The following PADI4 variants were observed in gnomAD, a reference collection of about 807,000 sequenced individuals.
PADI4 encodes the protein peptidyl arginine deiminase 4, also known as protein-arginine deiminase type-4.
In PADI4, 62 loss-of-function variants were observed where a neutral mutation model predicts 75.0. That is an observed-to-expected ratio of 0.83 (90% CI 0.67 to 1.02). PADI4 has a LOEUF of 1.02. Among genes scored for constraint, PADI4 ranks in the 50% least tolerant of loss-of-function variants. The pLI is 0.00. For synonymous variants in PADI4, 361 were observed against 348.1 expected, an observed-to-expected ratio of 1.04 and a Z score of -0.41; for missense variants, 845 against 850.5, an observed-to-expected ratio of 0.99 and a Z score of 0.08.
chr1:17,334,307 A>ACT, intron 3 of PADI4: 1 of 343,014 alleles, frequency 2.9e-6, no homozygotes, highest in Non-Finnish European at 6.0e-6. Context: ...ATCTCCATTA[A>ACT]TTTTTTTTTT....
chr1:17,321,248 G>A (rs557096192), intron 1 of PADI4, among the ~76,000 whole-genome samples: 6 of 152,270 alleles, frequency 3.9e-5, no homozygotes, highest in East Asian at 1.9e-4. Context: ...AGCAAAGCCC[G>A]GGAGATGGGA....
intron 1 of PADI4, among the ~76,000 whole-genome samples, chr1:17,308,764 C>A (rs143479662): frequency 1.9e-3 from 95 of 50,628 alleles, no homozygotes; most frequent in Non-Finnish European, 3.2e-3. Flanking sequence ...GTGGGGATGG[C>A]GAAACGGGGC....
At chr1:17,363,310 A>G (rs1478081871) in intron 15 of PADI4, among the ~76,000 whole-genome samples, 1 of 151,520 alleles carries the variant, frequency 6.6e-6, no homozygotes, top group African/African-American at 2.4e-5. Flanking sequence ...TTTTTTAGAG[A>G]TGGGGTCTCA....
chr1:17,320,270 A>G, intron 1 of PADI4, among the ~76,000 whole-genome samples: 1 of 30,556 alleles, frequency 3.3e-5, no homozygotes, highest in East Asian at 1.2e-3. Context: ...CCCTCTTATA[A>G]AGACCTTTGT....
rs373192530 is a variant in PADI4, at chr1:17,363,569, C to T, written c.1806C>T (p.Phe602=). 144 of 1,613,988 alleles carry T rather than the reference C, an allele frequency of 8.9e-5. No homozygotes were observed. Among genetic ancestry groups the T allele is most frequent in the Middle Eastern group, 8.2e-4 (5 of 6,062 alleles). ...AGCACCTGGGCATCCCCAAGCCCTT[C>T]GGGCCCGTCATCAACGGCCGCTGCT... ...LGKHLGIPKP[F]GPVINGRCCL... The change falls in exon 16 of 16, where the codon TTC becomes TTT. Residue 602 remains phenylalanine, a synonymous_variant. Transcript: ENST00000375448.
In PADI4 at chr1:17,355,880, C is replaced by T. The variant is rs188392525; in HGVS notation, c.1311-103C>T. 458 of 1,135,338 alleles carry T rather than the reference C, an allele frequency of 4.0e-4. 4 individuals are homozygous for T. In the Middle Eastern group the frequency reaches 4.1e-3, roughly 10 times the overall value. The allele number at this position is 1,135,338 out of a possible 1,614,324, so 70.3% of individuals were successfully genotyped here. ...ATTCTAGACTCCTGCATCCCTTTCTCAGCTGAAGGAGAACCCTGACCTTTT... is the reference window on the plus strand; with the variant it reads ...ATTCTAGACTCCTGCATCCCTTTCTTAGCTGAAGGAGAACCCTGACCTTTT... On this transcript the variant is annotated intron_variant, in intron 11 of 15. Transcript: ENST00000375448.
chr1:17,360,223 G>A (rs901789945), intron 15 of PADI4, among the ~76,000 whole-genome samples: 13 of 151,890 alleles, frequency 8.6e-5, no homozygotes, highest in Non-Finnish European at 1.2e-4. Context: ...CCTGGGAGAC[G>A]GAGGTTGCAG....
rs116608662 is a variant in PADI4, at chr1:17,318,419, G to A, written c.92+10105G>A. ...ATGGCCACACAGAGAAAGGTGACTA[G>A]CTTGTCATCTGCTGCAGGCATGTGA... On this transcript the variant is annotated intron_variant, in intron 1 of 15. Coordinates refer to ENST00000375448, the MANE Select transcript of PADI4 (RefSeq NM_012387.3). Among the ~76,000 whole-genome samples, 192 of 152,342 alleles carry A rather than the reference G, an allele frequency of 1.3e-3. 1 individual carries two copies. Among genetic ancestry groups the A allele is most frequent in the African/African-American group, 4.4e-3 (185 of 41,586 alleles).
intron 10 of PADI4, 107 bp downstream of exon 10, chr1:17,348,155 A>G: frequency 1.6e-6 from 1 of 620,562 alleles, no homozygotes; most frequent in African/African-American, 1.8e-5. Flanking sequence ...TGAGTAGCCC[A>G]GTGCAAGGAG....
chr1:17,318,727 C>T (rs1317760537), intron 1 of PADI4, among the ~76,000 whole-genome samples: 1 of 151,196 alleles, frequency 6.6e-6, no homozygotes, highest in Non-Finnish European at 1.5e-5. Flanking sequence ...GCTCTATCAC[C>T]CAGGCTGGAG....
At chr1:17,331,701 T>C (rs974453945) in intron 2 of PADI4, among the ~76,000 whole-genome samples, 6 of 152,084 alleles carry the variant, frequency 3.9e-5, no homozygotes, top group Non-Finnish European at 7.4e-5. Context: ...GTGGATCACC[T>C]GAGGTCAGGA....
chr1:17,362,112 T>C (rs1419712187), intron 15 of PADI4, among the ~76,000 whole-genome samples: 1 of 152,070 alleles, frequency 6.6e-6, no homozygotes, highest in Non-Finnish European at 1.5e-5. Context: ...GAGGGGTGGC[T>C]CATACCTGTA....
chr1:17,322,828 T>C (rs2074054039), intron 1 of PADI4, among the ~76,000 whole-genome samples: 1 of 152,122 alleles, frequency 6.6e-6, no homozygotes, highest in African/African-American at 2.4e-5. Flanking sequence ...TCTTTCTCTT[T>C]TTCTCTCTTT....
chr1:17,353,878 C>T (rs1326050018), intron 10 of PADI4, among the ~76,000 whole-genome samples: 1 of 152,138 alleles, frequency 6.6e-6, no homozygotes, highest in African/African-American at 2.4e-5. Flanking sequence ...CAGGAGGAAC[C>T]AGCTCTGCCA....
chr1:17,329,136 T>C (rs1437149952), intron 1 of PADI4, among the ~76,000 whole-genome samples: 1 of 151,148 alleles, frequency 6.6e-6, no homozygotes, highest in African/African-American at 2.4e-5. Flanking sequence ...TGCACGATTC[T>C]AGGTTAACAG....
At chr1:17,348,523 G>T (rs1019751956) in intron 10 of PADI4, among the ~76,000 whole-genome samples, 1 of 152,196 alleles carries the variant, frequency 6.6e-6, no homozygotes, top group African/African-American at 2.4e-5. Context: ...GGCTGTCCAT[G>T]TGGAGGTGGG....
At chr1:17,312,141 G>A (rs1002973167) in intron 1 of PADI4, among the ~76,000 whole-genome samples, 4 of 152,110 alleles carry the variant, frequency 2.6e-5, no homozygotes, top group Non-Finnish European at 4.4e-5. Context: ...AAATGGGTCT[G>A]GGACTTCAAT....
At chr1:17,324,347 T>C (rs1335494399) in intron 1 of PADI4, among the ~76,000 whole-genome samples, 3 of 152,118 alleles carry the variant, frequency 2.0e-5, no homozygotes, top group African/African-American at 7.2e-5. Flanking sequence ...GTTTTCATGT[T>C]GATTTGCCTA....
Position 17,349,804 on chromosome 1 carries a change from C to T in PADI4, c.1155+1756C>T, listed in dbSNP as rs1249124868. Among the ~76,000 whole-genome samples, 6 of 127,292 alleles carry T rather than the reference C, an allele frequency of 4.7e-5. 3 individuals are homozygous for T. In the East Asian group the frequency reaches 2.0e-3, roughly 43 times the overall value. 83.5% of individuals were successfully genotyped at this position (127,292 alleles called of 152,430 possible). A position where few individuals can be genotyped will look rare whatever the true frequency, so the allele number is the denominator to read the frequency against. On this transcript the variant is annotated intron_variant, in intron 10 of 15. Transcript: ENST00000375448. ...AGAAAAAGTCACACTCAGCACCAGG[C>T]TTTGGCCCCACCTGCCTCTCCAGCA...
Sources: gnomAD v4.1 joint callset for allele counts (sites outside exome capture counted in the v4.1 genomes callset) on GRCh38, gnomAD v4.1.1 for gene constraint, MANE v1.5 for transcripts, NCBI Gene and HGNC (gene_info 2026-07-23, HGNC 2026-07-21) for gene names.